Variants in HEATR5B observed in about 807,000 individuals in gnomAD.
HEATR5B encodes the protein HEAT repeat containing 5B.
HEATR5B carries 156 observed loss-of-function variants against 224.1 expected under a neutral mutation model. That is an observed-to-expected ratio of 0.70 (90% CI 0.61 to 0.80). The LOEUF (loss-of-function observed/expected upper bound fraction) is 0.80, where lower values mean the gene tolerates loss of function less well. Among genes scored for constraint, HEATR5B ranks in the 30% least tolerant of loss-of-function variants. The pLI, the probability that HEATR5B is intolerant of heterozygous loss-of-function variation, is 0.00. For synonymous variants in HEATR5B, 1,027 were observed against 893.0 expected (o/e 1.15, Z -2.68); for missense variants, 2,323 against 2,535.5 (o/e 0.92, Z 1.80).
At chr2:36,986,699 C>A (rs1181853894) in intron 35 of HEATR5B, among the ~76,000 whole-genome samples, 2 of 152,114 alleles carry the variant, frequency 1.3e-5, no homozygotes, top group Non-Finnish European at 2.9e-5. Flanking sequence ...CTCACTGCAA[C>A]CTCCGCCTCC....
chr2:37,025,447 T>C (rs1386602345), intron 24 of HEATR5B, among the ~76,000 whole-genome samples: 5 of 150,984 alleles, frequency 3.3e-5, no homozygotes, highest in East Asian at 3.9e-4. Flanking sequence ...GAAACAGTGT[T>C]CTATAAAAAC....
chr2:37,046,215 C>T (rs1240856480), intron 18 of HEATR5B, among the ~76,000 whole-genome samples: 1 of 152,150 alleles, frequency 6.6e-6, no homozygotes, highest in African/African-American at 2.4e-5. Context: ...GAAAACAGAA[C>T]AAAATACTAC....
Position 37,079,163 on chromosome 2 carries a change from T to C in HEATR5B, c.295A>G (p.Ile99Val), listed in dbSNP as rs973045722. 4.3e-6 allele frequency: 7 copies of C among 1,609,980 alleles called. No homozygotes were observed. Among genetic ancestry groups the C allele is most frequent in the Admixed American group, 3.3e-5 (2 of 59,862 alleles). ...GCCGCAGTGTCATCTTTATTTCTGA[T>C]AATGTCATTGCATTTATCAAGTGTC... ...FQTLDKCNDI[I>V]RNKDDTAAYL... Residue 99 changes from isoleucine (I) to valine (V), a missense_variant, in exon 3 of 36, where the codon ATC (isoleucine) becomes GTC (valine). Around this residue, in one of 12 missense-constraint regions of HEATR5B, gnomAD observed 292 missense variants for 332.6 expected, o/e 0.88. Coordinates refer to ENST00000233099, the MANE Select transcript of HEATR5B (RefSeq NM_019024.3).
intron 18 of HEATR5B, among the ~76,000 whole-genome samples, chr2:37,044,126 T>C (rs906968820): frequency 6.6e-6 from 1 of 152,222 alleles, no homozygotes; most frequent in African/African-American, 2.4e-5. Flanking sequence ...ATCCAATATG[T>C]ATTACACACT....
intron 22 of HEATR5B, 23 bp from the exon 23 acceptor site, chr2:37,028,943 G>T (rs766079403): frequency 1.9e-6 from 3 of 1,609,986 alleles, no homozygotes; most frequent in African/African-American, 1.3e-5. Context: ...TTTTACAAAT[G>T]AATTTGTATG....
rs1469636792 is a variant in HEATR5B at position 37,023,331 on chromosome 2, A to AT, written c.3854-2496dup. ...CACAAAGTCTTTTTGAAGCAGTGAC[A>AT]TATCTATGGTTCAGCCTGATCCCCA... On this transcript the variant is annotated intron_variant, in intron 24 of 35. Coordinates refer to ENST00000233099, the MANE Select transcript of HEATR5B (RefSeq NM_019024.3). Among the ~76,000 whole-genome samples, 7 of 152,214 alleles carry AT rather than the reference A, an allele frequency of 4.6e-5. No homozygotes were observed. In the South Asian group the frequency reaches 8.3e-4, roughly 18 times the overall value.
At position 37,063,518 on chromosome 2, in the gene HEATR5B, G is replaced by A. The variant is rs551473365; in HGVS notation, c.1584+1222C>T. ...CAAATGTAAAATATGAAAGTGGTAT[G>A]AGGAAGATGGGACGTGTGGGGAAGA... is the stretch of plus-strand genomic sequence containing the variant. On this transcript the variant is annotated intron_variant, in intron 10 of 35. Transcript: ENST00000233099. Among the ~76,000 whole-genome samples, 28 of 152,286 alleles carry A rather than the reference G, an allele frequency of 1.8e-4. 1 individual carries two copies. In the South Asian group the frequency reaches 2.9e-3, roughly 16 times the overall value.
chr2:37,008,428 T>G lies in HEATR5B; in HGVS notation c.4522+183A>C, dbSNP rs1667567160. The G allele has an allele frequency of 6.6e-6, 4 of 603,250 alleles. No homozygotes were observed. In the East Asian group the frequency reaches 1.1e-4, roughly 17 times the overall value. 37.4% of individuals were successfully genotyped at this position (603,250 alleles called of 1,614,324 possible). A position where few individuals can be genotyped will look rare whatever the true frequency, so the allele number is the denominator to read the frequency against. On this transcript the variant is annotated intron_variant, in intron 28 of 35. Coordinates refer to ENST00000233099, the MANE Select transcript of HEATR5B (RefSeq NM_019024.3). ...TGTTTGCTTCAGCCAACAAAAAAGC[T>G]CTATATCTTCTATCTACAAATTCAA... is the stretch of plus-strand genomic sequence containing the variant.
chr2:37,027,512 G>C (rs1668855508), intron 24 of HEATR5B, among the ~76,000 whole-genome samples: 1 of 152,162 alleles, frequency 6.6e-6, no homozygotes, highest in Non-Finnish European at 1.5e-5. Context: ...AAATCTACCA[G>C]TGCATTCATG....
intron 2 of HEATR5B, among the ~76,000 whole-genome samples, chr2:37,079,837 A>T (rs1049443048): frequency 6.6e-6 from 1 of 152,216 alleles, no homozygotes; most frequent in African/African-American, 2.4e-5. Flanking sequence ...AACAATATTT[A>T]TTATGTACTT....
chr2:36,988,101 C>T (rs1003413460), intron 35 of HEATR5B, among the ~76,000 whole-genome samples: 1 of 151,098 alleles, frequency 6.6e-6, no homozygotes, highest in Admixed American at 6.6e-5. Flanking sequence ...TATTAAACAT[C>T]TATATTTTTC....
chr2:37,057,699 A>G (rs933640381), intron 14 of HEATR5B, among the ~76,000 whole-genome samples: 1 of 152,180 alleles, frequency 6.6e-6, no homozygotes, highest in African/African-American at 2.4e-5. Flanking sequence ...ATTATTTAAA[A>G]TAACCAAAAA....
chr2:36,998,107 T>G (rs1666849459), intron 33 of HEATR5B, among the ~76,000 whole-genome samples: 1 of 152,200 alleles, frequency 6.6e-6, no homozygotes, highest in African/African-American at 2.4e-5. Context: ...CACTGATTCT[T>G]GGGCCTACTC....
chr2:37,068,908 G>A lies in HEATR5B; in HGVS notation c.950C>T (p.Thr317Ile), dbSNP rs748230767. 40 of 1,613,578 alleles carry A rather than the reference G, an allele frequency of 2.5e-5. No individual in the cohort carries two copies. The highest frequency in any genetic ancestry group is 3.3e-5 in the Non-Finnish European group (39 of 1,179,674). Residue 317 changes from threonine (T) to isoleucine (I), a missense_variant, in exon 8 of 36, where the codon ACA (threonine) becomes ATA (isoleucine). Thr to Ile is a moderately conservative substitution (Grantham distance 89). This residue lies in a region of HEATR5B where 502 missense variants were observed against 517.8 expected (regional missense o/e 0.97). Coordinates refer to ENST00000233099, the MANE Select transcript of HEATR5B (RefSeq NM_019024.3). ...VTQAYVVFVT[T>I]LGGQWLERSF... is the part of the protein sequence containing the mutation. ...GCGCTCCAACCACTGACCACCCAAT[G>A]TTGTCACAAAAACAACATACGCCTG...
chr2:37,073,798 G>A (rs888988822), intron 5 of HEATR5B, among the ~76,000 whole-genome samples: 1 of 152,090 alleles, frequency 6.6e-6, no homozygotes, highest in Admixed American at 6.6e-5. Flanking sequence ...AACCTAGACT[G>A]GGCAAAACAA....
chr2:37,012,615 C>T (rs529152395), intron 27 of HEATR5B, among the ~76,000 whole-genome samples: 1 of 152,294 alleles, frequency 6.6e-6, no homozygotes, highest in African/African-American at 2.4e-5. Context: ...GTCTCGAACT[C>T]CTGACCTCAG....
At chr2:36,993,416 A>T (rs1418285621) in intron 33 of HEATR5B, among the ~76,000 whole-genome samples, 3 of 152,106 alleles carry the variant, frequency 2.0e-5, no homozygotes, top group Non-Finnish European at 4.4e-5. Flanking sequence ...GGACACCTGT[A>T]GTCCCAGCTA....
intron 28 of HEATR5B, 179 bp downstream of exon 28, chr2:37,008,432 T>A: frequency 1.7e-6 from 1 of 605,948 alleles, no homozygotes; most frequent in Non-Finnish European, 2.9e-6. Context: ...AAAAGCTCTA[T>A]ATCTTCTATC....
At chr2:37,004,551 C>CT (rs1209771895) in intron 30 of HEATR5B, among the ~76,000 whole-genome samples, 1 of 151,846 alleles carries the variant, frequency 6.6e-6, no homozygotes, top group Admixed American at 6.6e-5. Context: ...CCTTTACTCT[C>CT]TTATTCACTC....
Sources: allele counts gnomAD v4.1 joint callset (sites outside exome capture counted in the v4.1 genomes callset), GRCh38; gene constraint gnomAD v4.1.1; regional missense constraint gnomAD v4.1.1; transcripts MANE v1.5; gene names NCBI Gene and HGNC (gene_info 2026-07-23, HGNC 2026-07-21).